GPC6: variants seen among roughly 807,000 people sequenced by gnomAD.
GPC6 encodes glypican-6.
A neutral mutation model predicts 55.2 loss-of-function variants in GPC6; 14 were observed. The observed-to-expected ratio is 0.25, with a 90% confidence interval of 0.17 to 0.40. The LOEUF is 0.40. GPC6 is among the 10% of genes least tolerant of loss of function. The probability of loss-of-function intolerance (pLI) is 1.00; values close to 1 mark genes in which losing one functional copy is unlikely to be tolerated. For synonymous variants in GPC6, 278 were observed against 259.6 expected, an observed-to-expected ratio of 1.07 and a Z score of -0.68; for missense variants, 641 against 708.5, an observed-to-expected ratio of 0.90 and a Z score of 1.08.
At chr13:94,288,885 A>AATGTT in intron 5 of GPC6, among the ~76,000 whole-genome samples, 1 of 33,392 alleles carries the variant, frequency 3.0e-5, no homozygotes, top group East Asian at 1.5e-3. Context: ...ATATATAACT[A>AATGTT]ATATATATAA....
chr13:93,490,515 T>G (rs1480065361), intron 1 of GPC6, among the ~76,000 whole-genome samples: 4 of 31,638 alleles, frequency 1.3e-4, no homozygotes, highest in Non-Finnish European at 3.1e-4. Context: ...TTTTTTTGAG[T>G]TTTTTTTTTT....
intron 4 of GPC6, among the ~76,000 whole-genome samples, chr13:94,269,287 G>A (rs1383672210): frequency 1.3e-5 from 2 of 151,876 alleles, no homozygotes; most frequent in Admixed American, 6.6e-5. Flanking sequence ...ACAATGTCAC[G>A]CACAGCTAGA....
chr13:93,689,505 G>C (rs185690149), intron 2 of GPC6, among the ~76,000 whole-genome samples: 8 of 152,178 alleles, frequency 5.3e-5, no homozygotes, highest in Admixed American at 5.2e-4. Flanking sequence ...ACTCAGACTT[G>C]AGAAATGTAT....
chr13:94,196,912 T>C (rs2138970217), intron 4 of GPC6, among the ~76,000 whole-genome samples: 1 of 152,362 alleles, frequency 6.6e-6, no homozygotes, highest in African/African-American at 2.4e-5. Flanking sequence ...TTGGCTAATT[T>C]GTTTCTGGAT....
intron 2 of GPC6, among the ~76,000 whole-genome samples, chr13:93,633,874 AG>A (rs1165814576): frequency 6.6e-6 from 1 of 152,162 alleles, no homozygotes; most frequent in Non-Finnish European, 1.5e-5. Flanking sequence ...ATTGCATCCC[AG>A]GAAGTCTCTA....
At chr13:94,066,417 T>C (rs1448187778) in intron 4 of GPC6, among the ~76,000 whole-genome samples, 1 of 152,172 alleles carries the variant, frequency 6.6e-6, no homozygotes, top group African/African-American at 2.4e-5. Flanking sequence ...ATTATTTCTT[T>C]AGATGAAAAA....
At chr13:93,756,058 T>A (rs1884758482) in intron 2 of GPC6, among the ~76,000 whole-genome samples, 1 of 152,158 alleles carries the variant, frequency 6.6e-6, no homozygotes, top group Non-Finnish European at 1.5e-5. Flanking sequence ...GTATATTTTG[T>A]TGGCATTCTA....
intron 6 of GPC6, among the ~76,000 whole-genome samples, chr13:94,380,664 T>A (rs1237704690): frequency 6.6e-6 from 1 of 152,172 alleles, no homozygotes; most frequent in East Asian, 1.9e-4. Flanking sequence ...CTCCCAAGAG[T>A]ACAGTATTCT....
intron 1 of GPC6, among the ~76,000 whole-genome samples, chr13:93,411,000 T>C (rs1876474937): frequency 2.6e-5 from 4 of 152,212 alleles, no homozygotes; most frequent in Admixed American, 2.0e-4. Flanking sequence ...CCATTGAGCC[T>C]TCCCCTACTT....
At chr13:94,111,853 A>G (rs1205819543) in intron 4 of GPC6, among the ~76,000 whole-genome samples, 1 of 152,096 alleles carries the variant, frequency 6.6e-6, no homozygotes, top group East Asian at 1.9e-4. Context: ...GGAAGATACC[A>G]TTTACACTTA....
At chr13:93,672,745 A>T (rs774963214) in intron 2 of GPC6, among the ~76,000 whole-genome samples, 3 of 151,826 alleles carry the variant, frequency 2.0e-5, no homozygotes, top group Non-Finnish European at 1.5e-5. Context: ...AAAATAAAAT[A>T]CATTCTCTCA....
chr13:94,251,713 C>CAA (rs61543462), intron 4 of GPC6, among the ~76,000 whole-genome samples: 1 of 131,144 alleles, frequency 7.6e-6, no homozygotes, highest in South Asian at 2.5e-4. Context: ...AGCTAAAAGG[C>CAA]AAAAAAAAAA....
chr13:93,441,805 C>T (rs540506193), intron 1 of GPC6, among the ~76,000 whole-genome samples: 1 of 152,252 alleles, frequency 6.6e-6, no homozygotes, highest in East Asian at 1.9e-4. Flanking sequence ...TAGATTCTCA[C>T]TCTGTCACTC....
chr13:94,108,842 C>CAA (rs1270729096), intron 4 of GPC6, among the ~76,000 whole-genome samples: 3 of 91,964 alleles, frequency 3.3e-5, no homozygotes, highest in African/African-American at 1.3e-4. Context: ...GACTCCGTCT[C>CAA]AAAAAAAAAA....
chr13:93,908,889 T>G (rs1382061649), intron 3 of GPC6, among the ~76,000 whole-genome samples: 1 of 152,184 alleles, frequency 6.6e-6, no homozygotes, highest in Non-Finnish European at 1.5e-5. Flanking sequence ...GGTATCTGTT[T>G]AAATGTCACC....
Position 93,655,671 on chromosome 13 carries a change from G to T in GPC6, c.319+110250G>T, listed in dbSNP as rs147034604. On this transcript the variant is annotated intron_variant, in intron 2 of 8. Coordinates refer to ENST00000377047, the MANE Select transcript of GPC6 (RefSeq NM_005708.5). ...TACTAACAAATCAGTTAAATTTGGA[G>T]GAGGGGAGTGTGGAAAAGTACAATG... Among the ~76,000 whole-genome samples, 638 of 152,284 alleles carry T rather than the reference G, an allele frequency of 4.2e-3. 2 individuals carry two copies. Among genetic ancestry groups the T allele is most frequent in the South Asian group, 0.012 (60 of 4,826 alleles).
At position 94,262,688 on chromosome 13, in the gene GPC6, A is replaced by AAC. The variant is rs1394376410; in HGVS notation, c.878-23660_878-23659insCA. Among the ~76,000 whole-genome samples the AAC allele has an allele frequency of 5.9e-5, 9 of 151,864 alleles. No individual in the cohort carries two copies. The East Asian group carries it at 1.6e-3, about 26-fold the overall frequency. On this transcript the variant is annotated intron_variant, in intron 4 of 8. Coordinates refer to ENST00000377047, the MANE Select transcript of GPC6 (RefSeq NM_005708.5). Reference sequence around the variant, plus strand: ...ACTCCGTCTCAGAAAAAAAAAAAAAAAAAGGAGTGAATCACTGGTCTAAAG... The same window carrying AAC: ...ACTCCGTCTCAGAAAAAAAAAAAAAAACAAAGGAGTGAATCACTGGTCTAAAG...
intron 3 of GPC6, among the ~76,000 whole-genome samples, chr13:93,935,717 G>A (rs1015577469): frequency 6.6e-6 from 1 of 152,184 alleles, no homozygotes; most frequent in Non-Finnish European, 1.5e-5. Context: ...CTGTGAAGCA[G>A]CCTGTCTTAA....
rs997218081 is a variant in GPC6, at chr13:94,143,047, G to A, written c.877+115153G>A. 5.3e-5 allele frequency among the ~76,000 whole-genome samples: 8 copies of A among 151,202 alleles called. No individual in the cohort carries two copies. The East Asian group carries it at 5.8e-4, about 11-fold the overall frequency. On this transcript the variant is annotated intron_variant, in intron 4 of 8. Transcript: ENST00000377047. ...TCACCATGTTGGTCAAGATGGTCTC[G>A]ATCTCTTGACCTCATGATCCGCCTG... is the stretch of plus-strand genomic sequence containing the variant.
Sources: gnomAD v4.1 joint callset for allele counts (sites outside exome capture counted in the v4.1 genomes callset) on GRCh38, gnomAD v4.1.1 for gene constraint, MANE v1.5 for transcripts, NCBI Gene and HGNC (gene_info 2026-07-23, HGNC 2026-07-21) for gene names.